The following TNS1 variants were observed in gnomAD, a reference collection of about 807,000 sequenced individuals.
TNS1 encodes the protein tensin-1.
TNS1 carries 62 observed loss-of-function variants against 168.6 expected under a neutral mutation model. The observed-to-expected ratio is 0.37, with a 90% CI of 0.30 to 0.45. The LOEUF is 0.45. Among genes scored for constraint, TNS1 ranks in the 20% least tolerant of loss-of-function variants. TNS1 has a pLI of 1.00. For missense variants in TNS1, 2,240 were observed against 2,339.4 expected, an observed-to-expected ratio of 0.96 and a Z score of 0.88; for synonymous variants, 934 against 933.2, an observed-to-expected ratio of 1.00 and a Z score of -0.02.
chr2:217,977,194 A>G (rs1957917530), intron 3 of TNS1, among the ~76,000 whole-genome samples: 1 of 152,338 alleles, frequency 6.6e-6, no homozygotes, highest in South Asian at 2.1e-4. Context: ...AAAACTGGAA[A>G]GTTCTGGAGT....
chr2:217,839,505 C>G (rs1378066325), intron 19 of TNS1, among the ~76,000 whole-genome samples: 1 of 152,058 alleles, frequency 6.6e-6, no homozygotes, highest in Non-Finnish European at 1.5e-5. Flanking sequence ...CACTCCAAGG[C>G]TCCCCTAGCA....
At chr2:217,838,854 A>T (rs6715962) in intron 19 of TNS1, among the ~76,000 whole-genome samples, 2 of 152,168 alleles carry the variant, frequency 1.3e-5, no homozygotes, top group African/African-American at 4.8e-5. Context: ...AACCAGTGTC[A>T]TGGAGAGAAC....
chr2:217,841,157 C>A (rs1185916440), intron 19 of TNS1: 2 of 939,664 alleles, frequency 2.1e-6, no homozygotes, highest in East Asian at 2.3e-4. Context: ...AAAAGTGGGC[C>A]AAAGAGCTGG....
intron 9 of TNS1, among the ~76,000 whole-genome samples, 160 bp downstream of exon 9, chr2:217,894,846 G>A (rs984780308): frequency 6.6e-6 from 1 of 152,206 alleles, no homozygotes; most frequent in African/African-American, 2.4e-5. Context: ...AATTGGCATT[G>A]TGGAAATGAT....
At chr2:217,874,023 AACACACACAC>A (rs3838561) in intron 18 of TNS1, among the ~76,000 whole-genome samples, 2 of 111,544 alleles carry the variant, frequency 1.8e-5, no homozygotes, top group South Asian at 3.5e-4. Flanking sequence ...CCCCCCAACC[AACACACACAC>A]ACACACACAC....
chr2:218,025,020 G>C (rs2106012405), intron 1 of TNS1, among the ~76,000 whole-genome samples: 1 of 152,312 alleles, frequency 6.6e-6, no homozygotes, highest in Non-Finnish European at 1.5e-5. Context: ...GCCAGGCTGA[G>C]CAGGCCTAGG....
chr2:217,845,999 C>G (rs1334198446), intron 19 of TNS1, among the ~76,000 whole-genome samples: 1 of 152,142 alleles, frequency 6.6e-6, no homozygotes, highest in Non-Finnish European at 1.5e-5. Context: ...CCATCCCTCT[C>G]ACCTCAAAAA....
At chr2:217,932,078 AG>A (rs1419813750) in intron 3 of TNS1, among the ~76,000 whole-genome samples, 1 of 152,198 alleles carries the variant, frequency 6.6e-6, no homozygotes, top group Non-Finnish European at 1.5e-5. Context: ...ACGTCCCCAG[AG>A]GTCATTTTTT....
intron 21 of TNS1, among the ~76,000 whole-genome samples, chr2:217,832,322 A>G (rs980660221): frequency 3.9e-5 from 6 of 152,136 alleles, no homozygotes; most frequent in African/African-American, 1.5e-4. Flanking sequence ...CAAGGTCAGA[A>G]AGGGCTGCTG....
rs1311047632 is a variant in TNS1, at chr2:218,033,149, T to A, written c.156+671A>T. Among the ~76,000 whole-genome samples the A allele has an allele frequency of 6.6e-6, 1 of 152,032 alleles. No individual in the cohort carries two copies. Among genetic ancestry groups the A allele is most frequent in the Non-Finnish European group, 1.5e-5 (1 of 67,982 alleles). On this transcript the variant is annotated intron_variant, in intron 1 of 1. Coordinates refer to the TNS1 transcript ENST00000649572. The surrounding 1 kb of genome is among the most constrained non-coding windows in gnomAD (Gnocchi z 4.3). ...AGGTCACAGGGACCTAGAGAGGAGT[T>A]ACCCATCCCTGGTGACCCCAAACAC...
At chr2:217,879,992 C>T (rs1389325105) in intron 18 of TNS1, among the ~76,000 whole-genome samples, 1 of 152,194 alleles carries the variant, frequency 6.6e-6, no homozygotes. Flanking sequence ...GGAAGGGTCT[C>T]AGTCACCCCA....
At chr2:217,888,114 C>T (rs1951386966) in intron 12 of TNS1, among the ~76,000 whole-genome samples, 1 of 152,182 alleles carries the variant, frequency 6.6e-6, no homozygotes, top group Admixed American at 6.5e-5. Context: ...TGGGCAGCAC[C>T]CGATCCTATT....
chr2:218,015,151 C>T (rs900756643), upstream of TNS1, among the ~76,000 whole-genome samples: 3 of 152,200 alleles, frequency 2.0e-5, no homozygotes, highest in South Asian at 2.1e-4. Context: ...GTACTGATTC[C>T]GGTTAAACTT....
At chr2:218,026,204 GT>G (rs1260596653) in intron 1 of TNS1, among the ~76,000 whole-genome samples, 2 of 152,180 alleles carry the variant, frequency 1.3e-5, no homozygotes, top group African/African-American at 4.8e-5. Flanking sequence ...GCACAGAGAG[GT>G]TACATAAGAT....
chr2:217,952,260 T>C (rs1017224793), intron 3 of TNS1, among the ~76,000 whole-genome samples: 1 of 152,236 alleles, frequency 6.6e-6, no homozygotes, highest in African/African-American at 2.4e-5. Flanking sequence ...GTAGATGTTA[T>C]TCTAACCCTA....
intron 19 of TNS1, chr2:217,841,328 G>A (rs1945930292): frequency 2.1e-6 from 2 of 972,072 alleles, no homozygotes; most frequent in Non-Finnish European, 2.4e-6. Context: ...GGAGTGGGAG[G>A]CAGGAAGGAA....
intron 1 of TNS1, among the ~76,000 whole-genome samples, chr2:218,017,429 G>C (rs1958771709): frequency 6.6e-6 from 1 of 152,202 alleles, no homozygotes; most frequent in African/African-American, 2.4e-5. Context: ...ATAAGCCTGG[G>C]GCACTGCCCC....
At chr2:218,019,352 G>A (rs1235814514) in intron 1 of TNS1, among the ~76,000 whole-genome samples, 2 of 152,288 alleles carry the variant, frequency 1.3e-5, no homozygotes, top group East Asian at 3.9e-4. Context: ...GGATGCAAAA[G>A]GACATGCAAA....
rs1190947465 is a variant in TNS1, at chr2:217,821,936, G to A, written c.3376C>T (p.Pro1126Ser). The A allele has an allele frequency of 4.4e-6, 7 of 1,582,666 alleles. No individual in the cohort carries two copies. The highest frequency in any genetic ancestry group is 2.3e-5 in the East Asian group (1 of 43,290). ...GCCACAGACTCCACATAGCTCCGGG[G>A]CTCTGGAAGGGGCAAGAGGACAGAG... ...ADILLHPTGE[P>S]RSYVESVART... The change falls in exon 23 of 33, where the codon CCC becomes TCC. Residue 1126 changes from proline to serine, a missense_variant and splice_region_variant. Coordinates refer to ENST00000682258, the MANE Select transcript of TNS1 (RefSeq NM_001387777.1).
Sources: gnomAD v4.1 joint callset for allele counts (sites outside exome capture counted in the v4.1 genomes callset) on GRCh38, gnomAD v4.1.1 for gene constraint, Gnocchi (gnomAD v3.1) non-coding constraint, MANE v1.5 for transcripts, NCBI Gene and HGNC (gene_info 2026-07-23, HGNC 2026-07-21) for gene names.